PDE7B: variants seen among roughly 807,000 people sequenced by gnomAD.
PDE7B encodes phosphodiesterase 7B, also known as 3',5'-cyclic-AMP phosphodiesterase 7B.
Under a neutral mutation model 56.2 loss-of-function variants are expected in PDE7B, and 29 were observed. That is an observed-to-expected ratio of 0.52 (90% confidence interval 0.38 to 0.70). PDE7B has a LOEUF of 0.70. PDE7B is among the 30% of genes least tolerant of loss of function. PDE7B has a pLI of 0.00. For synonymous variants in PDE7B, 197 were observed against 196.9 expected, an observed-to-expected ratio of 1.00 and a Z score of 0.00; for missense variants, 490 against 565.0, an observed-to-expected ratio of 0.87 and a Z score of 1.35.
chr6:135,946,032 CT>C (rs2128199292), intron 1 of PDE7B, among the ~76,000 whole-genome samples: 2 of 152,174 alleles, frequency 1.3e-5, no homozygotes, highest in African/African-American at 4.8e-5. Context: ...TTTCTTCCCC[CT>C]ACCCTAAATT....
chr6:135,987,814 G>A (rs764917405), intron 2 of PDE7B, among the ~76,000 whole-genome samples: 4 of 151,726 alleles, frequency 2.6e-5, no homozygotes, highest in Non-Finnish European at 4.4e-5. Flanking sequence ...TGAAGAGGAA[G>A]CAAATAATAA....
chr6:136,120,992 G>T (rs1777924672), intron 3 of PDE7B, among the ~76,000 whole-genome samples: 1 of 152,070 alleles, frequency 6.6e-6, no homozygotes, highest in Non-Finnish European at 1.5e-5. Flanking sequence ...TTATAACCTT[G>T]TGTCTGACTC....
At chr6:136,131,615 A>G (rs934219298) in intron 3 of PDE7B, among the ~76,000 whole-genome samples, 1 of 151,334 alleles carries the variant, frequency 6.6e-6, no homozygotes, top group Admixed American at 6.6e-5. Context: ...GTCTTTTCCA[A>G]AGCTGGGGGC....
intron 1 of PDE7B, among the ~76,000 whole-genome samples, chr6:135,924,335 C>T (rs904146419): frequency 1.3e-5 from 2 of 152,160 alleles, no homozygotes; most frequent in Non-Finnish European, 2.9e-5. Context: ...TATGGTAGAG[C>T]TTTGAGGGTG....
intron 2 of PDE7B, among the ~76,000 whole-genome samples, chr6:136,019,383 A>G (rs556265034): frequency 1.1e-4 from 17 of 148,140 alleles, no homozygotes; most frequent in African/African-American, 4.5e-4. Flanking sequence ...AGTACAGCTG[A>G]AAAAAAAAGA....
chr6:135,980,904 T>C (rs1775282539), intron 2 of PDE7B, among the ~76,000 whole-genome samples: 3 of 147,064 alleles, frequency 2.0e-5, no homozygotes, highest in Non-Finnish European at 4.5e-5. Flanking sequence ...GAACTAGAAA[T>C]ACCATTTGAC....
intron 1 of PDE7B, among the ~76,000 whole-genome samples, chr6:135,884,608 G>A (rs1159687132): frequency 6.6e-6 from 1 of 152,032 alleles, no homozygotes; most frequent in Non-Finnish European, 1.5e-5. Context: ...ATTCTCTATT[G>A]ACTATGGCAT....
intron 9 of PDE7B, among the ~76,000 whole-genome samples, chr6:136,174,142 CTCAGTTTTCACACGCT>C (rs1778939200): frequency 1.3e-5 from 2 of 152,168 alleles, no homozygotes; most frequent in Admixed American, 6.5e-5. Context: ...ATAAACAGCT[CTCAGTTTTCACACGCT>C]TCAGTATCAG....
chr6:136,107,983 T>G (rs1777675005), intron 2 of PDE7B, among the ~76,000 whole-genome samples: 1 of 151,776 alleles, frequency 6.6e-6, no homozygotes, highest in South Asian at 2.1e-4. Flanking sequence ...AAAAATTAGC[T>G]AGGCATAGTG....
intron 2 of PDE7B, among the ~76,000 whole-genome samples, chr6:135,988,533 G>C (rs938952780): frequency 2.6e-5 from 4 of 152,092 alleles, no homozygotes; most frequent in Admixed American, 2.0e-4. Context: ...TAAATGATTT[G>C]TATAGGTATA....
chr6:136,094,144 A>C (rs2128216433), intron 2 of PDE7B: 1 of 152,390 alleles, frequency 6.6e-6, no homozygotes, highest in African/African-American at 2.4e-5. Context: ...TTGTGGTGCA[A>C]GGGGCAAGCC....
At chr6:136,139,360 A>G (rs1452656555) in intron 3 of PDE7B, among the ~76,000 whole-genome samples, 2 of 152,140 alleles carry the variant, frequency 1.3e-5, no homozygotes, top group Admixed American at 6.5e-5. Flanking sequence ...TTCTTAATCC[A>G]GTCTATCATT....
chr6:135,977,722 G>A (rs1220939888), intron 2 of PDE7B, among the ~76,000 whole-genome samples: 1 of 152,100 alleles, frequency 6.6e-6, no homozygotes, highest in Non-Finnish European at 1.5e-5. Context: ...GAGAAAGGGG[G>A]TGGGTTATTA....
chr6:136,164,838 A>G (rs1311380560), intron 8 of PDE7B, among the ~76,000 whole-genome samples: 1 of 152,240 alleles, frequency 6.6e-6, no homozygotes, highest in East Asian at 1.9e-4. Flanking sequence ...GACTTAAATA[A>G]TAAGTTAAAT....
intron 2 of PDE7B, among the ~76,000 whole-genome samples, chr6:135,957,336 T>C (rs1396085012): frequency 6.6e-6 from 1 of 152,124 alleles, no homozygotes; most frequent in East Asian, 1.9e-4. Context: ...TTTAAAAAAA[T>C]GTGGAGCAGT....
chr6:135,974,000 G>C (rs1373536769), intron 2 of PDE7B, among the ~76,000 whole-genome samples: 1 of 152,090 alleles, frequency 6.6e-6, no homozygotes, highest in African/African-American at 2.4e-5. Context: ...CTGATATTCA[G>C]ACTTTATAAA....
At chr6:136,033,837 A>G (rs1458585943) in intron 2 of PDE7B, among the ~76,000 whole-genome samples, 3 of 149,966 alleles carry the variant, frequency 2.0e-5, no homozygotes, top group Admixed American at 1.3e-4. Flanking sequence ...CTCATTTTGA[A>G]TTTTTTTTTT....
intron 1 of PDE7B, among the ~76,000 whole-genome samples, chr6:135,871,999 A>G (rs892133973): frequency 2.6e-5 from 4 of 152,254 alleles, no homozygotes; most frequent in African/African-American, 9.6e-5. Context: ...AAAGAAAACA[A>G]CAAATTCAAG....
At chr6:135,970,673 G>A (rs1775079031) in intron 2 of PDE7B, among the ~76,000 whole-genome samples, 1 of 152,120 alleles carries the variant, frequency 6.6e-6, no homozygotes, top group Non-Finnish European at 1.5e-5. Context: ...GCAGTGTTCT[G>A]AACAAGGAGT....
Sources: gnomAD v4.1 joint callset for allele counts (sites outside exome capture counted in the v4.1 genomes callset) on GRCh38, gnomAD v4.1.1 for gene constraint, MANE v1.5 for transcripts, NCBI Gene and HGNC (gene_info 2026-07-23, HGNC 2026-07-21) for gene names.